TRIM63: variants seen among roughly 807,000 people sequenced by gnomAD.
TRIM63 encodes the protein tripartite motif containing 63, also known as E3 ubiquitin-protein ligase TRIM63.
In TRIM63, 48 loss-of-function variants were observed where a neutral mutation model predicts 46.0. The observed-to-expected ratio is 1.04, with a 90% CI of 0.83 to 1.33. The LOEUF is 1.33. Ranked by LOEUF, TRIM63 falls within the 40% of genes most tolerant of loss-of-function variation. The pLI is 0.00. For synonymous variants in TRIM63, 175 were observed against 162.8 expected, an observed-to-expected ratio of 1.08 and a Z score of -0.57; for missense variants, 455 against 441.2, an observed-to-expected ratio of 1.03 and a Z score of -0.28.
At chr1:26,058,075 T>C (rs2050588719) in intron 5 of TRIM63, among the ~76,000 whole-genome samples, 1 of 152,192 alleles carries the variant, frequency 6.6e-6, no homozygotes, top group East Asian at 1.9e-4. Flanking sequence ...CAGGGCTGTG[T>C]CTGGTTTATC....
chr1:26,052,737 GATT>G (rs1467651643), intron 8 of TRIM63, among the ~76,000 whole-genome samples: 31 of 152,134 alleles, frequency 2.0e-4, no homozygotes. Context: ...AAAGTGCTAG[GATT>G]ACAGGCGTGA....
At chr1:26,053,005 G>T (rs6678074) in intron 8 of TRIM63, among the ~76,000 whole-genome samples, 95,514 of 151,988 alleles carry the variant, frequency 0.63, 31,094 homozygotes, top group East Asian at 0.74. Flanking sequence ...GTGCAGTGGC[G>T]CAATCATAGC....
intron 7 of TRIM63, among the ~76,000 whole-genome samples, chr1:26,056,187 T>C (rs2050569049): frequency 6.6e-6 from 1 of 152,194 alleles, no homozygotes. Context: ...GTTTCCCTTT[T>C]AGCTGTGTGA....
chr1:26,065,090 C>A (rs145080081), intron 2 of TRIM63, among the ~76,000 whole-genome samples: 64 of 152,202 alleles, frequency 4.2e-4, no homozygotes, highest in African/African-American at 1.5e-3. Flanking sequence ...GTGGCACGAT[C>A]TCTGCTCACT....
intron 3 of TRIM63, among the ~76,000 whole-genome samples, chr1:26,060,699 A>G (rs918608836): frequency 3.3e-5 from 5 of 152,172 alleles, no homozygotes; most frequent in African/African-American, 9.7e-5. Context: ...CCTAGAGAAG[A>G]GTGGGGAGTA....
intron 5 of TRIM63, 84 bp downstream of exon 5, chr1:26,058,306 G>T (rs1374464706): frequency 1.6e-6 from 2 of 1,228,310 alleles, no homozygotes; most frequent in Non-Finnish European, 1.2e-6. Flanking sequence ...AAGGGCCCAT[G>T]GGTGGTCAGT....
At chr1:26,059,456 G>T (rs2050602830) in intron 4 of TRIM63, among the ~76,000 whole-genome samples, 1 of 152,136 alleles carries the variant, frequency 6.6e-6, no homozygotes, top group Non-Finnish European at 1.5e-5. Context: ...GGGAAGCTCT[G>T]CATCATTTGG....
intron 7 of TRIM63, among the ~76,000 whole-genome samples, chr1:26,054,988 A>G (rs1282236533): frequency 2.0e-5 from 3 of 149,438 alleles, no homozygotes; most frequent in Admixed American, 6.7e-5. Flanking sequence ...AAAAAAAAAT[A>G]GTATCTCCAA....
chr1:26,057,366 T>TG, intron 6 of TRIM63, 39 bp from the exon 7 acceptor site: 1 of 1,611,014 alleles, frequency 6.2e-7, no homozygotes, highest in Non-Finnish European at 8.5e-7. Flanking sequence ...ATGAGGTCTC[T>TG]GGGGCTCAGT....
intron 5 of TRIM63, 92 bp from the exon 6 acceptor site, chr1:26,057,742 T>A (rs569016945): frequency 7.3e-7 from 1 of 1,370,032 alleles, no homozygotes; most frequent in African/African-American, 1.4e-5. Context: ...TGTAGGTAGA[T>A]ATTTGGTGCC....
At chr1:26,052,620 C>T (rs2050532695) in intron 8 of TRIM63, among the ~76,000 whole-genome samples, 1 of 152,148 alleles carries the variant, frequency 6.6e-6, no homozygotes, top group Non-Finnish European at 1.5e-5. Flanking sequence ...GTGCCCGTCA[C>T]CACGCCTGGC....
chr1:26,056,611 T>C (rs949907828), intron 7 of TRIM63, among the ~76,000 whole-genome samples: 1 of 152,136 alleles, frequency 6.6e-6, no homozygotes, highest in African/African-American at 2.4e-5. Flanking sequence ...GGATTTAAAC[T>C]CAGGACTGTC....
rs752023321 is a variant in TRIM63 at position 26,066,386 on chromosome 1, G to A, written c.214C>T (p.Arg72Cys). ...RGSSVSMSGG[R>C]FRCPTCRHEV... ...TGGCGGCAGGTGGGGCAGCGGAAACGGCCTCCAGACATGGACACTGAGCTG... is the reference window on the plus strand; with the variant it reads ...TGGCGGCAGGTGGGGCAGCGGAAACAGCCTCCAGACATGGACACTGAGCTG... The change falls in exon 2 of 9, where the codon CGT (arginine) becomes TGT (cysteine). Residue 72 changes from arginine (R) to cysteine (C), a missense_variant. Coordinates refer to ENST00000374272, the MANE Select transcript of TRIM63 (RefSeq NM_032588.4). The A allele has an allele frequency of 6.8e-6, 11 of 1,612,622 alleles. No homozygotes were observed. Among genetic ancestry groups the A allele is most frequent in the East Asian group, 4.5e-5 (2 of 44,874 alleles).
rs1212569749 is a variant in TRIM63 at position 26,066,512 on chromosome 1, T to C, written c.160-72A>G. On this transcript the variant is annotated intron_variant, in intron 1 of 8. Transcript: ENST00000374272. ...CCTTCTCTTTTCTAATCTCCTCTTA[T>C]CCTTTCCTCTGCCTATCCGAACCAC... 6 of 1,384,580 alleles carry C rather than the reference T, an allele frequency of 4.3e-6. No homozygotes were observed. In the East Asian group the frequency reaches 1.0e-4, roughly 24 times the overall value. 85.8% of individuals were successfully genotyped at this position (1,384,580 alleles called of 1,614,324 possible).
Position 26,058,507 on chromosome 1 carries a change from C to G in TRIM63, c.714G>C (p.Lys238Asn), listed in dbSNP as rs771101643. 5 of 1,614,162 alleles carry G rather than the reference C, an allele frequency of 3.1e-6. No homozygotes were observed. The highest frequency in any genetic ancestry group is 4.2e-6 in the Non-Finnish European group (5 of 1,180,022). Reference protein sequence around the residue: ...LQRITQEQEKKLSFIEALIQQ... With the variant: ...LQRITQEQEKNLSFIEALIQQ... ...GGATGAGGGCCTCGATGAAGCTAAG[C>G]TTTTTCTCCTGCTCCTGCGTGATCC... Residue 238 changes from lysine (K) to asparagine (N), a missense_variant, in exon 5 of 9, where the codon AAG becomes AAC. By Grantham distance (94) the Lys-to-Asn change is moderately conservative. Transcript: ENST00000374272.
intron 2 of TRIM63, among the ~76,000 whole-genome samples, chr1:26,062,342 C>T (rs1306550740): frequency 6.6e-6 from 1 of 151,874 alleles, no homozygotes; most frequent in Non-Finnish European, 1.5e-5. Flanking sequence ...TAATATTCAC[C>T]ATCTTGAATT....
intron 3 of TRIM63, among the ~76,000 whole-genome samples, 170 bp downstream of exon 3, chr1:26,060,996 C>T (rs2050620423): frequency 6.6e-6 from 1 of 152,218 alleles, no homozygotes; most frequent in South Asian, 2.1e-4. Context: ...GCTCAGCTGC[C>T]TCCCCTAGGA....
Position 26,058,414 on chromosome 1 carries a change from C to T in TRIM63, c.807G>A (p.Glu269=), listed in dbSNP as rs1173414010. 1.1e-5 allele frequency: 18 copies of T among 1,614,044 alleles called. No individual in the cohort carries two copies. Among genetic ancestry groups the T allele is most frequent in the African/African-American group, 2.7e-5 (2 of 74,932 alleles). The change falls in exon 5 of 9, where the codon GAG becomes GAA. Residue 269 remains glutamate (E), a synonymous_variant. Transcript: ENST00000374272. ...CCAAGAGGAAGGTGGCTCCCCCAGGCTCGTCCAGGGACTGGATGGCAGTTT... is the reference window on the plus strand; with the variant it reads ...CCAAGAGGAAGGTGGCTCCCCCAGGTTCGTCCAGGGACTGGATGGCAGTTT... The part of the protein sequence containing the change: ...LVETAIQSLD[E]PGGATFLLTA...
rs753557279 is a variant in TRIM63 at position 26,066,315 on chromosome 1, G to A, written c.285C>T (p.Asn95=). 21 of 1,614,046 alleles carry A rather than the reference G, an allele frequency of 1.3e-5. No homozygotes were observed. In the African/African-American group the frequency reaches 2.1e-4, roughly 16 times the overall value. The change falls in exon 2 of 9, where the codon AAC becomes AAT. Residue 95 remains asparagine (N), a synonymous_variant. Transcript: ENST00000374272. ...TGTCGATGATGTTCTCCACCAGCAG[G>A]TTCCTCTGCAGGCCGTACACTCCGT... The part of the protein sequence containing the change: ...DRHGVYGLQR[N]LLVENIIDIY...
Sources: gnomAD v4.1 joint callset for allele counts (sites outside exome capture counted in the v4.1 genomes callset) on GRCh38, gnomAD v4.1.1 for gene constraint, MANE v1.5 for transcripts, NCBI Gene and HGNC (gene_info 2026-07-23, HGNC 2026-07-21) for gene names.